DPYS: variants seen among roughly 807,000 people sequenced by gnomAD.
The protein encoded by DPYS is dihydropyrimidine amidohydrolase.
In DPYS, 39 loss-of-function variants were observed where a neutral mutation model predicts 50.3. That is an observed-to-expected ratio of 0.78 (90% confidence interval 0.60 to 1.01). The LOEUF is 1.01. Ranked by LOEUF, DPYS falls within the 50% of genes least tolerant of loss-of-function variation. The pLI is 0.00. For missense variants in DPYS, 659 were observed against 680.9 expected (o/e 0.97, Z 0.36); for synonymous variants, 245 against 250.7 (o/e 0.98, Z 0.22).
intron 2 of DPYS, among the ~76,000 whole-genome samples, chr8:104,448,410 C>T (rs1383770692): frequency 6.6e-6 from 1 of 152,094 alleles, no homozygotes; most frequent in Non-Finnish European, 1.5e-5. Context: ...CCCTCCTTGG[C>T]CTCCCAAAGT....
chr8:104,420,050 G>T (rs1812492775), intron 7 of DPYS: 1 of 76,568 alleles, frequency 1.3e-5, no homozygotes, highest in Non-Finnish European at 2.6e-5. Flanking sequence ...TTTTAAAAAT[G>T]GAACTAGACT....
intron 5 of DPYS, among the ~76,000 whole-genome samples, chr8:104,428,324 C>T (rs763350511): frequency 2.6e-5 from 4 of 152,310 alleles, no homozygotes; most frequent in South Asian, 4.1e-4. Context: ...ACACACTGAT[C>T]GGAAGCATGA....
chr8:104,400,065 A>G (rs1049488973), intron 7 of DPYS, among the ~76,000 whole-genome samples: 2 of 148,396 alleles, frequency 1.3e-5, no homozygotes, highest in African/African-American at 4.9e-5. Context: ...CTGAGCTCAG[A>G]CCAATTCCTG....
chr8:104,413,136 C>G (rs572513299), intron 7 of DPYS, among the ~76,000 whole-genome samples: 1 of 151,966 alleles, frequency 6.6e-6, no homozygotes, highest in African/African-American at 2.4e-5. Flanking sequence ...TGCAAACAAC[C>G]TGAATGTCCA....
intron 7 of DPYS, among the ~76,000 whole-genome samples, chr8:104,394,858 T>G (rs1279783481): frequency 1.3e-5 from 2 of 149,476 alleles, no homozygotes; most frequent in Non-Finnish European, 3.0e-5. Context: ...TAACATCTTA[T>G]TTCATCTTTA....
intron 4 of DPYS, among the ~76,000 whole-genome samples, chr8:104,438,623 C>T (rs1233934690): frequency 1.3e-5 from 2 of 151,966 alleles, no homozygotes. Flanking sequence ...ATAATTTTAC[C>T]CTGTGACAGT....
intron 7 of DPYS, among the ~76,000 whole-genome samples, chr8:104,401,932 A>G (rs1400205436): frequency 1.3e-5 from 2 of 152,210 alleles, no homozygotes; most frequent in Non-Finnish European, 2.9e-5. Context: ...AGAAAATGGG[A>G]ATTGCTTCAG....
At chr8:104,425,676 T>C (rs373193062) in intron 6 of DPYS, among the ~76,000 whole-genome samples, 9 of 152,268 alleles carry the variant, frequency 5.9e-5, no homozygotes, top group Admixed American at 4.6e-4. Flanking sequence ...TTTTATGCAA[T>C]TGAAGTTTTA....
Position 104,429,578 on chromosome 8 carries a change from G to T in DPYS, c.917C>A (p.Ser306Ter), listed in dbSNP as rs1353634911. The part of the protein sequence containing the change: ...VMGPPLRPDP[S>*]TPDFLMNLLA... Reference sequence around the variant, plus strand: ...CAGATTCATGAGGAAGTCGGGTGTTGAGGGGTCTGGTCGCAAAGGTGGACC... The same window carrying T: ...CAGATTCATGAGGAAGTCGGGTGTTTAGGGGTCTGGTCGCAAAGGTGGACC... The change falls in exon 5 of 10, where the codon TCA (serine) becomes TAA (stop). Residue 306 changes from serine (S) to a stop codon, truncating the protein, a stop_gained. Coordinates refer to ENST00000351513, the MANE Select transcript of DPYS (RefSeq NM_001385.3). LOFTEE classifies it high-confidence loss of function. 6.2e-7 allele frequency: 1 copy of T among 1,614,030 alleles called. No homozygotes were observed. The highest frequency in any genetic ancestry group is 8.5e-7 in the Non-Finnish European group (1 of 1,180,022).
chr8:104,441,423 A>G (rs1013210906), intron 4 of DPYS, among the ~76,000 whole-genome samples: 3 of 152,226 alleles, frequency 2.0e-5, no homozygotes, highest in African/African-American at 7.2e-5. Context: ...GTTACTTTAC[A>G]TGGCAAAGGG....
chr8:104,412,421 T>A lies in DPYS; in HGVS notation c.1235+11826A>T, dbSNP rs1473243442. Among the ~76,000 whole-genome samples, 3 of 152,340 alleles carry A rather than the reference T, an allele frequency of 2.0e-5. No homozygotes were observed. The East Asian group carries it at 5.8e-4, about 29-fold the overall frequency. ...GGTACTGATTAATAGGAAACAGTTA[T>A]ATGTCTATGTGCGTGTGTCTTGGGT... On this transcript the variant is annotated intron_variant, in intron 7 of 9. Transcript: ENST00000351513.
intron 1 of DPYS, among the ~76,000 whole-genome samples, chr8:104,458,689 T>G (rs1025288539): frequency 3.3e-5 from 5 of 152,202 alleles, no homozygotes; most frequent in African/African-American, 9.7e-5. Flanking sequence ...ACTTTTCCAA[T>G]AGCAAACTGG....
chr8:104,458,468 T>C (rs1244185401), intron 1 of DPYS, among the ~76,000 whole-genome samples: 1 of 152,168 alleles, frequency 6.6e-6, no homozygotes, highest in Non-Finnish European at 1.5e-5. Flanking sequence ...TCCAAGCAAT[T>C]CTTAGCCCTG....
At chr8:104,453,674 A>G (rs943939524) in intron 1 of DPYS, among the ~76,000 whole-genome samples, 8 of 152,236 alleles carry the variant, frequency 5.3e-5, no homozygotes, top group Non-Finnish European at 1.0e-4. Context: ...CCACAAGACC[A>G]AGCAATTCCA....
intron 4 of DPYS, among the ~76,000 whole-genome samples, chr8:104,440,066 G>A (rs1348922037): frequency 6.6e-6 from 1 of 152,032 alleles, no homozygotes; most frequent in East Asian, 1.9e-4. Flanking sequence ...AAGACAATGT[G>A]TATTAAAACA....
chr8:104,392,563 C>T (rs1030720701), intron 8 of DPYS, among the ~76,000 whole-genome samples: 6 of 152,124 alleles, frequency 3.9e-5, no homozygotes, highest in South Asian at 2.1e-4. Context: ...CTGGAAATCC[C>T]GAACTGACCT....
chr8:104,414,143 T>C (rs1455217126), intron 7 of DPYS, among the ~76,000 whole-genome samples: 1 of 152,204 alleles, frequency 6.6e-6, no homozygotes, highest in Non-Finnish European at 1.5e-5. Context: ...AGAAGAAGAA[T>C]GTCCTCATAA....
At chr8:104,403,442 C>A (rs1018525467) in intron 7 of DPYS, among the ~76,000 whole-genome samples, 4 of 152,022 alleles carry the variant, frequency 2.6e-5, no homozygotes, top group African/African-American at 9.7e-5. Flanking sequence ...AAGCAGCCTG[C>A]CACCATCTTG....
At chr8:104,392,132 A>G (rs1032237634) in intron 8 of DPYS, among the ~76,000 whole-genome samples, 2 of 152,186 alleles carry the variant, frequency 1.3e-5, no homozygotes, top group Non-Finnish European at 2.9e-5. Context: ...CTGACCTTGC[A>G]GATCTTCAAC....
Sources: gnomAD v4.1 joint callset for allele counts (sites outside exome capture counted in the v4.1 genomes callset) on GRCh38, gnomAD v4.1.1 for gene constraint, MANE v1.5 for transcripts, NCBI Gene and HGNC (gene_info 2026-07-23, HGNC 2026-07-21) for gene names.